The following ANKRD11 variants were observed in gnomAD, a reference collection of about 807,000 sequenced individuals.
ANKRD11 encodes ankyrin repeat domain-containing protein 11.
Under a neutral mutation model 195.7 loss-of-function variants are expected in ANKRD11, and 17 were observed. The ratio of observed to expected loss-of-function variants is 0.09; its 90% confidence interval spans 0.06 to 0.13. The LOEUF is 0.13. Ranked by LOEUF, ANKRD11 falls within the 10% of genes least tolerant of loss-of-function variation. ANKRD11 has a pLI of 1.00. For missense variants in ANKRD11, 3,735 were observed against 3,566.1 expected, an observed-to-expected ratio of 1.05 and a Z score of -1.21; for synonymous variants, 1,953 against 1,528.1, an observed-to-expected ratio of 1.28 and a Z score of -6.49.
chr16:89,460,475 C>T (rs1225113302), intron 1 of ANKRD11, among the ~76,000 whole-genome samples: 1 of 152,108 alleles, frequency 6.6e-6, no homozygotes, highest in Non-Finnish European at 1.5e-5. Context: ...AGGAAAATTG[C>T]TTGAACTTGG....
intron 1 of ANKRD11, among the ~76,000 whole-genome samples, chr16:89,444,179 T>C (rs1218656816): frequency 2.0e-5 from 3 of 152,092 alleles, no homozygotes; most frequent in African/African-American, 4.8e-5. Flanking sequence ...AACAGGTAGA[T>C]ACTGATATGC....
Position 89,412,781 on chromosome 16 carries a change from C to T in ANKRD11, c.-60+5503G>A, listed in dbSNP as rs113907451. ...AATAAAACACTGGCCCCATGAGAAT[C>T]ACTGTAGTTAACAAAAGAAATACAG... On this transcript the variant is annotated intron_variant, in intron 2 of 12. Transcript: ENST00000301030. 3.7e-3 allele frequency among the ~76,000 whole-genome samples: 566 copies of T among 152,230 alleles called. 1 individual carries two copies. Among genetic ancestry groups the T allele is most frequent in the African/African-American group, 0.013 (545 of 41,536 alleles).
At chr16:89,344,242 G>A (rs1255224331) in intron 2 of ANKRD11, among the ~76,000 whole-genome samples, 1 of 152,140 alleles carries the variant, frequency 6.6e-6, no homozygotes, top group Non-Finnish European at 1.5e-5. Flanking sequence ...ACATCTGCAC[G>A]GTGCTTTACT....
intron 2 of ANKRD11, among the ~76,000 whole-genome samples, chr16:89,345,166 A>T (rs180702174): frequency 6.6e-6 from 1 of 152,304 alleles, no homozygotes; most frequent in Admixed American, 6.5e-5. Context: ...CTCCCAACAT[A>T]ACCACAAAAA....
intron 2 of ANKRD11, among the ~76,000 whole-genome samples, chr16:89,334,932 G>A (rs900528449): frequency 6.6e-6 from 1 of 152,084 alleles, no homozygotes; most frequent in East Asian, 1.9e-4. Flanking sequence ...ATGGTGCTGG[G>A]GGCCAGGCAG....
At chr16:89,459,738 T>A (rs954466133) in intron 1 of ANKRD11, among the ~76,000 whole-genome samples, 3 of 151,886 alleles carry the variant, frequency 2.0e-5, no homozygotes, top group Admixed American at 6.6e-5. Context: ...GCAAGAGGAT[T>A]TCTTGAGGCG....
At chr16:89,305,176 C>T (rs763528637) in intron 4 of ANKRD11, 30 bp downstream of exon 4, 11 of 1,606,462 alleles carry the variant, frequency 6.8e-6, no homozygotes, top group South Asian at 1.1e-5. Context: ...CTGTGGAGGG[C>T]TGACTGCAGG....
intron 2 of ANKRD11, chr16:89,343,840 C>G (rs890398061): frequency 6.6e-6 from 1 of 152,320 alleles, no homozygotes; most frequent in African/African-American, 2.4e-5. Context: ...GTTTATGCTT[C>G]GCAGGCGGTA....
At chr16:89,391,836 T>C (rs1014228117) in intron 2 of ANKRD11, among the ~76,000 whole-genome samples, 2 of 152,362 alleles carry the variant, frequency 1.3e-5, no homozygotes, top group East Asian at 3.9e-4. Context: ...TGTACTGACA[T>C]TCTTAAATAT....
rs1173038277 is a variant in ANKRD11, at chr16:89,279,627, G to A, written c.6915C>T (p.Gly2305=). The change falls in exon 9 of 13, where the codon GGC becomes GGT. Residue 2305 remains glycine (G), a synonymous_variant. Transcript: ENST00000301030. This position sits in a 1 kb window ranked among gnomAD's most constrained non-coding sequence, Gnocchi z 5.6. ...EASRAAAPAE[G]PPGGIQPEAA... ...CTTCCGGCTGGATGCCGCCAGGAGG[G>A]CCTTCGGCTGGGGCGGCGGCACGGG... 1 of 1,438,078 alleles carries A rather than the reference G, an allele frequency of 7.0e-7. No homozygotes were observed. The highest frequency in any genetic ancestry group is 9.1e-7 in the Non-Finnish European group (1 of 1,100,028). 89.1% of individuals were successfully genotyped at this position (1,438,078 alleles called of 1,614,324 possible).
At position 89,280,786 on chromosome 16, in the gene ANKRD11, G is replaced by A. The variant is rs773848887; in HGVS notation, c.5756C>T (p.Ala1919Val). Reference protein sequence around the residue: ...PDLDTSEDQQATAAIIPPEPS... With the variant: ...PDLDTSEDQQVTAAIIPPEPS... ...CTCCGGGGGGATGATGGCGGCCGTC[G>A]CCTGCTGGTCCTCGGAGGTGTCCAG... The change falls in exon 9 of 13, where the codon GCG becomes GTG. Residue 1919 changes from alanine to valine, a missense_variant. Ala to Val is a moderately conservative substitution (Grantham distance 64). Coordinates refer to ENST00000301030, the MANE Select transcript of ANKRD11 (RefSeq NM_013275.6). 3.1e-6 allele frequency: 5 copies of A among 1,610,936 alleles called. No homozygotes were observed. Among genetic ancestry groups the A allele is most frequent in the African/African-American group, 1.3e-5 (1 of 74,860 alleles).
chr16:89,312,486 G>C (rs943750154), intron 3 of ANKRD11, among the ~76,000 whole-genome samples: 1 of 152,244 alleles, frequency 6.6e-6, no homozygotes, highest in African/African-American at 2.4e-5. Context: ...GAGCTGGCGG[G>C]CCACAGGCCG....
intron 1 of ANKRD11, among the ~76,000 whole-genome samples, chr16:89,420,738 CAG>C (rs2042478317): frequency 6.6e-6 from 1 of 152,112 alleles, no homozygotes; most frequent in South Asian, 2.1e-4. Flanking sequence ...TCTTAAGAGA[CAG>C]GGTCTCACTG....
intron 2 of ANKRD11, among the ~76,000 whole-genome samples, chr16:89,414,738 C>G (rs1285509557): frequency 6.6e-6 from 1 of 152,146 alleles, no homozygotes; most frequent in Non-Finnish European, 1.5e-5. Flanking sequence ...CCACACCTGG[C>G]CCAACCTCAG....
intron 2 of ANKRD11, among the ~76,000 whole-genome samples, chr16:89,398,289 A>G (rs1227888560): frequency 6.7e-6 from 1 of 149,014 alleles, no homozygotes; most frequent in African/African-American, 2.5e-5. Context: ...TGACCTCAGC[A>G]CTCTGGGAGG....
chr16:89,456,957 C>CTTTT lies in ANKRD11; in HGVS notation c.-145+33284_-145+33287dup, dbSNP rs56161810. 2.9e-5 allele frequency among the ~76,000 whole-genome samples: 4 copies of CTTTT among 138,228 alleles called. 1 individual carries two copies. Among genetic ancestry groups the CTTTT allele is most frequent in the Admixed American group, 7.3e-5 (1 of 13,690 alleles). 90.7% of individuals were successfully genotyped at this position (138,228 alleles called of 152,430 possible). ...GTGGTGGGGTGTTCGTTATGTGAGT[C>CTTTT]TTTTTTTTTTTTTTTTTTTTGAGAC... On this transcript the variant is annotated intron_variant, in intron 1 of 12. Transcript: ENST00000301030.
chr16:89,431,763 T>C (rs1173924857), intron 1 of ANKRD11, among the ~76,000 whole-genome samples: 1 of 152,088 alleles, frequency 6.6e-6, no homozygotes, highest in African/African-American at 2.4e-5. Context: ...CTGAACCCAC[T>C]GCAACAATGT....
chr16:89,428,409 C>A (rs2042820294), intron 1 of ANKRD11, among the ~76,000 whole-genome samples: 1 of 151,578 alleles, frequency 6.6e-6, no homozygotes, highest in African/African-American at 2.4e-5. Flanking sequence ...GCCTATAGTC[C>A]CAGCTGCTGG....
chr16:89,445,689 T>C, intron 1 of ANKRD11, among the ~76,000 whole-genome samples: 1 of 152,196 alleles, frequency 6.6e-6, no homozygotes, highest in East Asian at 1.9e-4. Context: ...AAAAACGATT[T>C]TGAGCCCGGG....
Sources: allele counts gnomAD v4.1 joint callset (sites outside exome capture counted in the v4.1 genomes callset), GRCh38; gene constraint gnomAD v4.1.1; non-coding constraint Gnocchi (gnomAD v3.1); transcripts MANE v1.5; gene names NCBI Gene and HGNC (gene_info 2026-07-23, HGNC 2026-07-21).